PPIE: variants seen among roughly 807,000 people sequenced by gnomAD.
PPIE encodes the protein peptidylprolyl isomerase E.
PPIE carries 20 observed loss-of-function variants against 38.4 expected under a neutral mutation model. That is an observed-to-expected ratio of 0.52 (90% CI 0.37 to 0.76). The LOEUF is 0.76. Ranked by LOEUF, PPIE falls within the 30% of genes least tolerant of loss-of-function variation. The probability of loss-of-function intolerance (pLI) is 0.00; values close to 1 mark genes in which losing one functional copy is unlikely to be tolerated. For missense variants in PPIE, 322 were observed against 385.8 expected, an observed-to-expected ratio of 0.83 and a Z score of 1.39; for synonymous variants, 142 against 135.7, an observed-to-expected ratio of 1.05 and a Z score of -0.32.
chr1:39,743,940 C>T lies in PPIE; in HGVS notation c.384+16C>T. 3 of 1,588,634 alleles carry T rather than the reference C, an allele frequency of 1.9e-6. No individual in the cohort carries two copies. The highest frequency in any genetic ancestry group is 2.6e-6 in the Non-Finnish European group (3 of 1,160,062). Reference sequence around the variant, plus strand: ...GACCCAGGAGGTGAGAATGAAGCTCCTGCTTCCAGAGCACAGGCCGGCGCT... The same window carrying T: ...GACCCAGGAGGTGAGAATGAAGCTCTTGCTTCCAGAGCACAGGCCGGCGCT... On this transcript the variant is annotated intron_variant, in intron 6 of 9. Transcript: ENST00000324379.
intron 8 of PPIE, among the ~76,000 whole-genome samples, chr1:39,749,952 G>A (rs1412944402): frequency 6.6e-6 from 1 of 152,118 alleles, no homozygotes; most frequent in African/African-American, 2.4e-5. Context: ...TAACTAACAT[G>A]GAGAAACCCC....
In PPIE at chr1:39,755,186, A is replaced by G; in HGVS notation, c.*1831A>G. 1.0e-6 allele frequency: 1 copy of G among 985,484 alleles called. No homozygotes were observed. The highest frequency in any genetic ancestry group is 1.2e-6 in the Non-Finnish European group (1 of 829,944). The allele number at this position is 985,484 out of a possible 1,614,324, so 61.0% of individuals were successfully genotyped here. On this transcript the variant is annotated 3_prime_UTR_variant, in exon 10 of 10. Transcript: ENST00000324379. ...GCTTTTAGCAGGGACTGAGTCCTGT[A>G]GCTGTTGGACACCTCCTGTGGGTTG...
downstream of PPIE, among the ~76,000 whole-genome samples, chr1:39,756,896 C>T (rs1648333092): frequency 6.6e-6 from 1 of 152,170 alleles, no homozygotes. Flanking sequence ...AAAAGGGGGT[C>T]AAGTGCCCAT....
chr1:39,755,352 C>A lies in PPIE; in HGVS notation c.*1997C>A. ...TGCTGAGGGATGGTGGCATTCTGCC[C>A]TACCTCTGGCTCCCATGTGCCGACT... is the stretch of plus-strand genomic sequence containing the variant. On this transcript the variant is annotated 3_prime_UTR_variant, in exon 10 of 10. Transcript: ENST00000324379. The A allele has an allele frequency of 4.1e-6, 4 of 985,454 alleles. No individual in the cohort carries two copies. The South Asian group carries it at 1.9e-4, about 46-fold the overall frequency. 61.0% of individuals were successfully genotyped at this position (985,454 alleles called of 1,614,324 possible).
chr1:39,745,412 A>C lies in PPIE; in HGVS notation c.422A>C (p.Gln141Pro), dbSNP rs750975872. The C allele has an allele frequency of 1.2e-6, 2 of 1,614,084 alleles. No individual in the cohort carries two copies. The highest frequency in any genetic ancestry group is 1.7e-6 in the Non-Finnish European group (2 of 1,180,050). ...GCTAAAAAGGCCCGCTCAAATCCTC[A>C]GGTGTACATGGACATCAAGATTGGG... ...PIAKKARSNPQVYMDIKIGNK... is the reference protein window; with the variant it reads ...PIAKKARSNPPVYMDIKIGNK... Residue 141 changes from glutamine to proline, a missense_variant, in exon 7 of 10, where the codon CAG becomes CCG. Transcript: ENST00000324379.
chr1:39,750,463 G>A (rs902728468), intron 8 of PPIE, among the ~76,000 whole-genome samples: 6 of 152,148 alleles, frequency 3.9e-5, no homozygotes, highest in African/African-American at 1.4e-4. Context: ...GAAGTATTTT[G>A]TATTTTGGAA....
At position 39,753,594 on chromosome 1, in the gene PPIE, G is replaced by A; in HGVS notation, c.*239G>A. On this transcript the variant is annotated 3_prime_UTR_variant, in exon 10 of 10. Transcript: ENST00000324379. Reference sequence around the variant, plus strand: ...TGCTCCCCTCCACCATGGGCAGGCTGTGCAAAAAGCCACTGGCTTTTCTCA... The same window carrying A: ...TGCTCCCCTCCACCATGGGCAGGCTATGCAAAAAGCCACTGGCTTTTCTCA... The A allele has an allele frequency of 7.4e-7, 1 of 1,352,166 alleles. No individual in the cohort carries two copies. Among genetic ancestry groups the A allele is most frequent in the East Asian group, 2.9e-5 (1 of 34,744 alleles). The allele number at this position is 1,352,166 out of a possible 1,614,324, so 83.8% of individuals were successfully genotyped here.
At position 39,755,024 on chromosome 1, in the gene PPIE, G is replaced by A. The variant is rs549287626; in HGVS notation, c.*1669G>A. 1 of 985,348 alleles carries A rather than the reference G, an allele frequency of 1.0e-6. No individual in the cohort carries two copies. Among genetic ancestry groups the A allele is most frequent in the African/African-American group, 1.7e-5 (1 of 57,254 alleles). The allele number at this position is 985,348 out of a possible 1,614,324, so 61.0% of individuals were successfully genotyped here. A position where few individuals can be genotyped will look rare whatever the true frequency, so the allele number is the denominator to read the frequency against. ...AAACAGGATTGCCAGCCACTGAAGA[G>A]AACAAATGGTCCCACCCCCTGCTGA... On this transcript the variant is annotated 3_prime_UTR_variant, in exon 10 of 10. Coordinates refer to ENST00000324379, the MANE Select transcript of PPIE (RefSeq NM_006112.4).
intron 2 of PPIE, 85 bp from the exon 3 acceptor site, chr1:39,741,281 T>C (rs960807254): frequency 2.5e-6 from 3 of 1,209,158 alleles, no homozygotes; most frequent in Non-Finnish European, 3.7e-6. Context: ...GGATACGACA[T>C]GTAACTGACT....
intron 9 of PPIE, chr1:39,762,498 C>A: frequency 1.3e-6 from 2 of 1,546,084 alleles, no homozygotes; most frequent in Non-Finnish European, 1.7e-6. Context: ...CCATCAGAAA[C>A]CTGCTTTTGT....
At chr1:39,740,988 G>A (rs574473135) in intron 2 of PPIE, among the ~76,000 whole-genome samples, 46 of 152,248 alleles carry the variant, frequency 3.0e-4, no homozygotes, top group African/African-American at 1.1e-3. Flanking sequence ...TCAGGTTTTA[G>A]GATTCATGCT....
At position 39,763,338 on chromosome 1, in the gene PPIE, G is replaced by C. The variant is rs1170647421; in HGVS notation, c.838-351G>C. On this transcript the variant is annotated intron_variant, in intron 9 of 9. Transcript: ENST00000356511. Reference sequence around the variant, plus strand: ...CACCCAGGAACCCCCGGCAGAAAAGGCTGGGCAGGAGCTCAGGCCCAACAT... The same window carrying C: ...CACCCAGGAACCCCCGGCAGAAAAGCCTGGGCAGGAGCTCAGGCCCAACAT... 3.5e-6 allele frequency: 3 copies of C among 858,948 alleles called. No homozygotes were observed. The African/African-American group carries it at 5.4e-5, about 15-fold the overall frequency. 53.2% of individuals were successfully genotyped at this position (858,948 alleles called of 1,614,324 possible).
chr1:39,740,842 C>CT (rs2124289739), intron 2 of PPIE, among the ~76,000 whole-genome samples: 1 of 152,302 alleles, frequency 6.6e-6, no homozygotes, highest in East Asian at 1.9e-4. Flanking sequence ...CCTGGGAAAT[C>CT]TTTATTTGCA....
downstream of PPIE, chr1:39,758,973 C>G (rs1057121209): frequency 6.6e-6 from 1 of 152,264 alleles, no homozygotes; most frequent in African/African-American, 2.4e-5. Flanking sequence ...CATCCTTGGG[C>G]CCATGGGGAG....
intron 9 of PPIE, 71 bp from the exon 10 acceptor site, chr1:39,753,216 G>A: frequency 6.3e-7 from 1 of 1,595,406 alleles, no homozygotes; most frequent in South Asian, 1.1e-5. Flanking sequence ...CAAATGGGCA[G>A]GCAGGGGTTG....
intron 3 of PPIE, 99 bp downstream of exon 3, chr1:39,741,508 G>A: frequency 8.1e-7 from 1 of 1,231,322 alleles, no homozygotes; most frequent in South Asian, 1.2e-5. Context: ...TTGGGCCTTA[G>A]GCTGATGCTT....
At chr1:39,753,193 G>C (rs755556868) in intron 9 of PPIE, 94 bp from the exon 10 acceptor site, 85 of 1,587,464 alleles carry the variant, frequency 5.4e-5, no homozygotes, top group Non-Finnish European at 6.8e-5. Context: ...CCAGGTTCCG[G>C]GGTGGAAGTG....
At chr1:39,740,443 G>A (rs996954540) in intron 2 of PPIE, among the ~76,000 whole-genome samples, 180 bp downstream of exon 2, 1 of 152,246 alleles carries the variant, frequency 6.6e-6, no homozygotes, top group African/African-American at 2.4e-5. Flanking sequence ...AGGCCATGTG[G>A]TTGTGAACTC....
chr1:39,750,971 T>C (rs1181414356), intron 8 of PPIE, among the ~76,000 whole-genome samples: 1 of 152,220 alleles, frequency 6.6e-6, no homozygotes, highest in Admixed American at 6.5e-5. Context: ...AATAAACGAA[T>C]TTGTATAATA....
Sources: allele counts gnomAD v4.1 joint callset (sites outside exome capture counted in the v4.1 genomes callset), GRCh38; gene constraint gnomAD v4.1.1; transcripts MANE v1.5; gene names NCBI Gene and HGNC (gene_info 2026-07-23, HGNC 2026-07-21).